Variants in PLD5 observed in about 807,000 individuals in gnomAD.
The protein encoded by PLD5 is phospholipase D family member 5.
Under a neutral mutation model 61.1 loss-of-function variants are expected in PLD5, and 36 were observed. That is an observed-to-expected ratio of 0.59 (90% CI 0.45 to 0.78). The LOEUF (loss-of-function observed/expected upper bound fraction) is 0.78, where lower values mean the gene tolerates loss of function less well. Ranked by LOEUF, PLD5 falls within the 30% of genes least tolerant of loss-of-function variation. The pLI is 0.00. For synonymous variants in PLD5, 243 were observed against 242.8 expected, an observed-to-expected ratio of 1.00 and a Z score of -0.01; for missense variants, 515 against 644.4, an observed-to-expected ratio of 0.80 and a Z score of 2.17.
intron 5 of PLD5, among the ~76,000 whole-genome samples, chr1:242,156,151 T>C (rs1260194694): frequency 6.6e-6 from 1 of 152,064 alleles, no homozygotes; most frequent in African/African-American, 2.4e-5. Context: ...AAGTCTGTTT[T>C]ATTAGAGATT....
At chr1:242,267,537 C>T (rs992609695) in intron 3 of PLD5, among the ~76,000 whole-genome samples, 1 of 152,072 alleles carries the variant, frequency 6.6e-6, no homozygotes, top group African/African-American at 2.4e-5. Context: ...CACCACAAAC[C>T]AGGTATTCTG....
At chr1:242,493,866 T>TC (rs1161540413) in intron 1 of PLD5, among the ~76,000 whole-genome samples, 1 of 152,244 alleles carries the variant, frequency 6.6e-6, no homozygotes. Flanking sequence ...ACAACCGCTT[T>TC]CTTTTTAGTA....
intron 1 of PLD5, among the ~76,000 whole-genome samples, chr1:242,479,698 T>TTTG (rs2102960265): frequency 6.6e-6 from 1 of 152,072 alleles, no homozygotes; most frequent in African/African-American, 2.4e-5. Context: ...AAAATGAAAA[T>TTTG]GACCTAGAAT....
intron 1 of PLD5, among the ~76,000 whole-genome samples, chr1:242,489,043 T>G (rs1572231949): frequency 6.6e-6 from 1 of 152,180 alleles, no homozygotes; most frequent in East Asian, 1.9e-4. Flanking sequence ...AATGAACTAT[T>G]GACATCTGCA....
chr1:242,423,460 T>C (rs1288715432), intron 1 of PLD5, among the ~76,000 whole-genome samples: 2 of 152,120 alleles, frequency 1.3e-5, no homozygotes, highest in Non-Finnish European at 1.5e-5. Flanking sequence ...GCTATGTCAC[T>C]TATACTCAGA....
At chr1:242,444,165 G>A (rs1185153938) in intron 1 of PLD5, among the ~76,000 whole-genome samples, 2 of 152,008 alleles carry the variant, frequency 1.3e-5, no homozygotes, top group African/African-American at 4.8e-5. Flanking sequence ...TTATATTGTT[G>A]GTATGTGTAA....
At chr1:242,354,387 C>T (rs1253002913) in intron 1 of PLD5, among the ~76,000 whole-genome samples, 1 of 152,178 alleles carries the variant, frequency 6.6e-6, no homozygotes, top group Admixed American at 6.6e-5. Context: ...TTGCCAAGAT[C>T]CCTTGTGATG....
At chr1:242,116,387 G>A (rs1661945622) in intron 6 of PLD5, among the ~76,000 whole-genome samples, 1 of 152,168 alleles carries the variant, frequency 6.6e-6, no homozygotes, top group South Asian at 2.1e-4. Context: ...GTGATCATGA[G>A]CAAGATGAGT....
chr1:242,114,886 T>C (rs1298895817), intron 6 of PLD5, among the ~76,000 whole-genome samples: 1 of 151,312 alleles, frequency 6.6e-6, no homozygotes, highest in Non-Finnish European at 1.5e-5. Context: ...ATAATAGAAA[T>C]AAAGTGACAG....
intron 1 of PLD5, among the ~76,000 whole-genome samples, chr1:242,383,186 C>G (rs896211209): frequency 6.6e-6 from 1 of 152,022 alleles, no homozygotes; most frequent in Non-Finnish European, 1.5e-5. Flanking sequence ...TTAGTAATTA[C>G]TTCTCATTTT....
chr1:242,357,752 G>T (rs555452412), intron 1 of PLD5, among the ~76,000 whole-genome samples: 10 of 152,030 alleles, frequency 6.6e-5, no homozygotes, highest in Admixed American at 3.9e-4. Flanking sequence ...CTCCCAAAGT[G>T]CTGGGATTAC....
chr1:242,299,611 G>A (rs1675912287), intron 2 of PLD5, among the ~76,000 whole-genome samples: 1 of 152,296 alleles, frequency 6.6e-6, no homozygotes, highest in East Asian at 1.9e-4. Flanking sequence ...CAAATTCTGG[G>A]TGTTTTTCCC....
chr1:242,445,054 G>A lies in PLD5; in HGVS notation c.189+79034C>T, dbSNP rs192008610. On this transcript the variant is annotated intron_variant, in intron 1 of 9. Coordinates refer to ENST00000536534, the MANE Select transcript of PLD5 (RefSeq NM_001372062.1). ...AGGCACTGCTGTGGTGTGAATATTT[G>A]TTTCTCCCACCTCCCAAACTCATTT... Among the ~76,000 whole-genome samples, 357 of 152,154 alleles carry A rather than the reference G, an allele frequency of 2.3e-3. 3 individuals carry two copies. The highest frequency in any genetic ancestry group is 8.3e-3 in the African/African-American group (346 of 41,528).
In PLD5 at chr1:242,394,226, GTATATATATGAGTATATATATGTGTA is replaced by G. The variant is rs1320918992; in HGVS notation, c.190-46010_190-45985del. ...TATGTGTATATGAGTATATATATGT[GTATATATATGAGTATATATATGTGTA>G]TATATATGAGTATGAGTATATATAT... is the stretch of plus-strand genomic sequence containing the variant. On this transcript the variant is annotated intron_variant, in intron 1 of 9. Transcript: ENST00000536534. 2.5e-5 allele frequency among the ~76,000 whole-genome samples: 2 copies of G among 79,572 alleles called. 1 individual carries two copies. The highest frequency in any genetic ancestry group is 4.6e-5 in the Non-Finnish European group (2 of 43,496). The allele number at this position is 79,572 out of a possible 152,430, so 52.2% of individuals were successfully genotyped here.
intron 5 of PLD5, among the ~76,000 whole-genome samples, chr1:242,140,939 T>C (rs1032589302): frequency 2.0e-5 from 3 of 152,202 alleles, no homozygotes; most frequent in Non-Finnish European, 2.9e-5. Context: ...TTTTCCTGTA[T>C]TTAATGATCC....
intron 2 of PLD5, among the ~76,000 whole-genome samples, chr1:242,325,059 C>G (rs1658662359): frequency 6.6e-6 from 1 of 152,124 alleles, no homozygotes; most frequent in South Asian, 2.1e-4. Flanking sequence ...TTCTCTATGG[C>G]AATTCCCGCG....
At chr1:242,377,478 T>C (rs772946280) in intron 1 of PLD5, 14 of 685,208 alleles carry the variant, frequency 2.0e-5, no homozygotes, top group Non-Finnish European at 3.4e-5. Flanking sequence ...AATTCTTTAA[T>C]AGTAAACACA....
At chr1:242,501,083 T>C (rs931130066) in intron 1 of PLD5, among the ~76,000 whole-genome samples, 4 of 152,130 alleles carry the variant, frequency 2.6e-5, no homozygotes. Flanking sequence ...GTCACCCACC[T>C]CTCTCTCTGT....
At chr1:242,357,613 G>A (rs529480745) in intron 1 of PLD5, among the ~76,000 whole-genome samples, 43 of 151,658 alleles carry the variant, frequency 2.8e-4, no homozygotes, top group African/African-American at 9.9e-4. Flanking sequence ...AGCCTCCCGA[G>A]TAGCTGGGAT....
Sources: gnomAD v4.1 joint callset for allele counts (sites outside exome capture counted in the v4.1 genomes callset) on GRCh38, gnomAD v4.1.1 for gene constraint, MANE v1.5 for transcripts, NCBI Gene and HGNC (gene_info 2026-07-23, HGNC 2026-07-21) for gene names.